PCDHGB4: variants seen among roughly 807,000 people sequenced by gnomAD.
The protein encoded by PCDHGB4 is protocadherin gamma-B4.
PCDHGB4 carries 38 observed loss-of-function variants against 60.5 expected under a neutral mutation model. The ratio of observed to expected loss-of-function variants is 0.63; its 90% CI spans 0.48 to 0.82. The LOEUF is 0.82. PCDHGB4 is among the 40% of genes least tolerant of loss of function. The probability of loss-of-function intolerance (pLI) is 0.00; values close to 1 mark genes in which losing one functional copy is unlikely to be tolerated. For synonymous variants in PCDHGB4, 456 were observed against 509.7 expected (o/e 0.89, Z 1.42); for missense variants, 1,109 against 1,209.6 (o/e 0.92, Z 1.23).
At chr5:141,403,646 G>A in intron 1 of PCDHGB4, 1 of 1,613,950 alleles carries the variant, frequency 6.2e-7, no homozygotes, top group Non-Finnish European at 8.5e-7. Context: ...CCATGTGACA[G>A]TGTTGGATAC....
intron 1 of PCDHGB4, among the ~76,000 whole-genome samples, chr5:141,425,689 A>C (rs887583603): frequency 6.6e-6 from 1 of 152,232 alleles, no homozygotes; most frequent in African/African-American, 2.4e-5. Flanking sequence ...ACTGCATATC[A>C]TTTCATAGTG....
intron 1 of PCDHGB4, chr5:141,427,307 T>C (rs745903769): frequency 4.4e-6 from 2 of 456,906 alleles, no homozygotes; most frequent in South Asian, 1.5e-5. Flanking sequence ...AGAATGACAA[T>C]GCCCCAGACG....
chr5:141,510,916 G>C (rs1044988697), intron 3 of PCDHGB4, 31 bp from the exon 4 acceptor site: 2 of 1,613,714 alleles, frequency 1.2e-6, no homozygotes, highest in African/African-American at 1.3e-5. Flanking sequence ...CCTAAGTTTA[G>C]CTCCCACCTG....
intron 1 of PCDHGB4, chr5:141,402,906 C>T: frequency 1.3e-6 from 2 of 1,529,180 alleles, no homozygotes; most frequent in Non-Finnish European, 1.8e-6. Context: ...CCTGATGAAG[C>T]AGCGCGCACA....
intron 1 of PCDHGB4, chr5:141,423,387 G>A (rs373190092): frequency 6.2e-7 from 1 of 1,614,162 alleles, no homozygotes; most frequent in Non-Finnish European, 8.5e-7. Context: ...TGTGGCGCTG[G>A]CATAAGTCAC....
chr5:141,411,766 C>A (rs796623075), intron 1 of PCDHGB4: 1 of 152,454 alleles, frequency 6.6e-6, no homozygotes, highest in South Asian at 2.1e-4. Context: ...CCTGTGGTCT[C>A]AGCTACTCTG....
chr5:141,449,154 A>G (rs2098630387), intron 1 of PCDHGB4, among the ~76,000 whole-genome samples: 1 of 152,180 alleles, frequency 6.6e-6, no homozygotes, highest in African/African-American at 2.4e-5. Flanking sequence ...TGGGTCAAAG[A>G]GGAAATAGGT....
At chr5:141,506,829 T>C (rs1449718553) in intron 3 of PCDHGB4, among the ~76,000 whole-genome samples, 1 of 152,182 alleles carries the variant, frequency 6.6e-6, no homozygotes, top group African/African-American at 2.4e-5. Context: ...CATGAACTGA[T>C]AGCCCTGCCC....
At chr5:141,504,502 G>A (rs2099838821) in intron 2 of PCDHGB4, among the ~76,000 whole-genome samples, 1 of 152,128 alleles carries the variant, frequency 6.6e-6, no homozygotes, top group Non-Finnish European at 1.5e-5. Context: ...CCCAGTCTGA[G>A]TGGATCTCCT....
chr5:141,494,048 G>C (rs764072099), intron 1 of PCDHGB4, among the ~76,000 whole-genome samples: 3 of 152,148 alleles, frequency 2.0e-5, no homozygotes, highest in Non-Finnish European at 2.9e-5. Flanking sequence ...GGCCCTGCTT[G>C]GAGGCTGTGG....
At chr5:141,423,210 C>T in intron 1 of PCDHGB4, 2 of 1,613,696 alleles carry the variant, frequency 1.2e-6, no homozygotes, top group Non-Finnish European at 1.7e-6. Flanking sequence ...CCGTCACGCT[C>T]ACCGTGGCTG....
Position 141,476,854 on chromosome 5 carries a change from G to A in PCDHGB4, c.2398-17953G>A. The A allele has an allele frequency of 6.2e-7, 1 of 1,613,860 alleles. No individual in the cohort carries two copies. The highest frequency in any genetic ancestry group is 1.1e-5 in the South Asian group (1 of 91,088). ...ATGACAATGCGCCTGTCTTCAACCA[G>A]TCCTTGTACCGGGCGCGCGTCCTGG... On this transcript the variant is annotated intron_variant, in intron 1 of 3. Transcript: ENST00000519479. This position sits in a 1 kb window ranked among gnomAD's most constrained non-coding sequence, Gnocchi z 7.6.
At chr5:141,456,837 C>G (rs550771859) in intron 1 of PCDHGB4, among the ~76,000 whole-genome samples, 70 of 152,194 alleles carry the variant, frequency 4.6e-4, no homozygotes, top group Non-Finnish European at 8.2e-4. Context: ...GTAGTGGGCG[C>G]CTGTAATCCC....
chr5:141,427,149 A>G (rs1303323489), intron 1 of PCDHGB4: 1 of 456,850 alleles, frequency 2.2e-6, no homozygotes, highest in Non-Finnish European at 4.4e-6. Context: ...TATTGGAAAT[A>G]TGTTTGTGCT....
At position 141,476,613 on chromosome 5, in the gene PCDHGB4, G is replaced by A; in HGVS notation, c.2398-18194G>A. On this transcript the variant is annotated intron_variant, in intron 1 of 3. Coordinates refer to ENST00000519479, the MANE Select transcript of PCDHGB4 (RefSeq NM_003736.4). This position sits in a 1 kb window ranked among gnomAD's most constrained non-coding sequence, Gnocchi z 7.6. ...AGCGCGCACGATCCCGATGTGGGAA[G>A]CAACTCTTTACAAACCTATGAGCTG... is the stretch of plus-strand genomic sequence containing the variant. 1 of 1,614,266 alleles carries A rather than the reference G, an allele frequency of 6.2e-7. No homozygotes were observed. The highest frequency in any genetic ancestry group is 1.3e-5 in the African/African-American group (1 of 75,078).
rs13178808 is a variant in PCDHGB4 at position 141,491,920 on chromosome 5, G to A, written c.2398-2887G>A. 1.2e-4 allele frequency: 164 copies of A among 1,356,270 alleles called. No individual in the cohort carries two copies. Among genetic ancestry groups the A allele is most frequent in the Non-Finnish European group, 1.5e-4 (155 of 1,015,194 alleles). The allele number at this position is 1,356,270 out of a possible 1,614,324, so 84.0% of individuals were successfully genotyped here. On this transcript the variant is annotated intron_variant, in intron 1 of 3. Transcript: ENST00000519479. This position sits in a 1 kb window ranked among gnomAD's most constrained non-coding sequence, Gnocchi z 6.9. ...ACCGGGGGTGGTGGCGACTGTGGGC[G>A]AGGGGAGGTGGGACCGACCCCCACC...
chr5:141,477,607 G>A lies in PCDHGB4; in HGVS notation c.2398-17200G>A, dbSNP rs1223703956. ...ATGCTCGGCTTTCTTTCTTTCTCTT[G>A]GAGCAAGGAGCTGAAACCGGGCTAG... is the stretch of plus-strand genomic sequence containing the variant. On this transcript the variant is annotated intron_variant, in intron 1 of 3. Coordinates refer to ENST00000519479, the MANE Select transcript of PCDHGB4 (RefSeq NM_003736.4). The surrounding 1 kb of genome is among the most constrained non-coding windows in gnomAD (Gnocchi z 4.9). 2 of 1,614,028 alleles carry A rather than the reference G, an allele frequency of 1.2e-6. No individual in the cohort carries two copies. The highest frequency in any genetic ancestry group is 3.3e-5 in the Admixed American group (2 of 60,000).
At chr5:141,445,838 A>T (rs1302150397) in intron 1 of PCDHGB4, among the ~76,000 whole-genome samples, 1 of 152,218 alleles carries the variant, frequency 6.6e-6, no homozygotes, top group South Asian at 2.1e-4. Flanking sequence ...GAGCCTTGTA[A>T]ATCACACTTA....
intron 2 of PCDHGB4, among the ~76,000 whole-genome samples, chr5:141,502,139 C>T (rs923501238): frequency 6.6e-6 from 1 of 152,104 alleles, no homozygotes; most frequent in African/African-American, 2.4e-5. Flanking sequence ...TCAGTCGGGC[C>T]GGAAGTAAGG....
Sources: allele counts gnomAD v4.1 joint callset (sites outside exome capture counted in the v4.1 genomes callset), GRCh38; gene constraint gnomAD v4.1.1; non-coding constraint Gnocchi (gnomAD v3.1); transcripts MANE v1.5; gene names NCBI Gene and HGNC (gene_info 2026-07-23, HGNC 2026-07-21).